Variants in VOPP1 observed in about 807,000 individuals in gnomAD.
VOPP1 encodes the protein VOPP1 WW domain binding protein.
VOPP1 carries 8 observed loss-of-function variants against 23.5 expected under a neutral mutation model. That is an observed-to-expected ratio of 0.34 (90% CI 0.20 to 0.61). VOPP1 has a LOEUF of 0.61. Among genes scored for constraint, VOPP1 ranks in the 20% least tolerant of loss-of-function variants. The probability of loss-of-function intolerance (pLI) is 0.78; values close to 1 mark genes in which losing one functional copy is unlikely to be tolerated. For missense variants in VOPP1, 174 were observed against 238.1 expected (o/e 0.73, Z 1.77); for synonymous variants, 83 against 97.3 (o/e 0.85, Z 0.86).
intron 1 of VOPP1, among the ~76,000 whole-genome samples, chr7:55,548,216 C>T (rs1797449428): frequency 6.6e-6 from 1 of 152,244 alleles, no homozygotes; most frequent in African/African-American, 2.4e-5. Context: ...AAATTTCACA[C>T]ATAATGTTTT....
intron 2 of VOPP1, among the ~76,000 whole-genome samples, chr7:55,500,353 G>A (rs1452589514): frequency 6.6e-6 from 1 of 152,258 alleles, no homozygotes; most frequent in Non-Finnish European, 1.5e-5. Context: ...AGAGGGCCAT[G>A]TAGCCAGGAC....
chr7:55,534,323 A>G (rs1249905592), intron 1 of VOPP1, among the ~76,000 whole-genome samples: 1 of 152,004 alleles, frequency 6.6e-6, no homozygotes, highest in Non-Finnish European at 1.5e-5. Context: ...TTTCTCATAT[A>G]ATTTCCTAAA....
At chr7:55,459,131 G>C (rs1016326650) in intron 4 of VOPP1, among the ~76,000 whole-genome samples, 1 of 152,068 alleles carries the variant, frequency 6.6e-6, no homozygotes, top group Non-Finnish European at 1.5e-5. Context: ...CATCTATTGA[G>C]ATAATCATAA....
intron 4 of VOPP1, among the ~76,000 whole-genome samples, chr7:55,488,998 A>G (rs815967): frequency 0.9 from 136,598 of 152,332 alleles, 61,416 homozygotes; most frequent in African/African-American, 0.92. Flanking sequence ...GGCCCATGCC[A>G]CAGATAGTCT....
At chr7:55,444,576 T>C (rs1791048852) in intron 4 of VOPP1, among the ~76,000 whole-genome samples, 1 of 152,152 alleles carries the variant, frequency 6.6e-6, no homozygotes, top group Non-Finnish European at 1.5e-5. Context: ...AGGGCCACTC[T>C]GGAAACTGGA....
chr7:55,554,761 T>TA (rs1797745915), intron 1 of VOPP1, among the ~76,000 whole-genome samples: 1 of 152,176 alleles, frequency 6.6e-6, no homozygotes, highest in Non-Finnish European at 1.5e-5. Flanking sequence ...ACTGGGTCGA[T>TA]AGGGGCTGGA....
chr7:55,497,702 G>A lies in VOPP1; in HGVS notation c.114-12C>T. 6.2e-7 allele frequency: 1 copy of A among 1,613,638 alleles called. No individual in the cohort carries two copies. Among genetic ancestry groups the A allele is most frequent in the East Asian group, 2.2e-5 (1 of 44,882 alleles). On this transcript the variant is annotated splice_polypyrimidine_tract_variant and intron_variant, in intron 2 of 4. Transcript: ENST00000285279. ...CGTAGGAGCGGCATCTGTGGAGAGA[G>A]GCACAGGCTGGTCAGCACTGAATTG... is the stretch of plus-strand genomic sequence containing the variant.
At chr7:55,438,084 G>T (rs1210156842) in intron 4 of VOPP1, among the ~76,000 whole-genome samples, 2 of 151,932 alleles carry the variant, frequency 1.3e-5, no homozygotes, top group African/African-American at 4.8e-5. Context: ...TGTATTTTTA[G>T]TAGAGACAGG....
chr7:55,557,695 A>G (rs952300860), intron 1 of VOPP1, among the ~76,000 whole-genome samples: 1 of 152,234 alleles, frequency 6.6e-6, no homozygotes, highest in African/African-American at 2.4e-5. Flanking sequence ...AACAAAACAC[A>G]TACATAAGAA....
intron 1 of VOPP1, among the ~76,000 whole-genome samples, chr7:55,522,767 G>A (rs1240040162): frequency 6.6e-6 from 1 of 152,204 alleles, no homozygotes; most frequent in Non-Finnish European, 1.5e-5. Context: ...CACGCAGCGA[G>A]AGCCAGGTGC....
intron 4 of VOPP1, among the ~76,000 whole-genome samples, chr7:55,448,006 AAATCATTAT>A (rs1439409917): frequency 6.6e-6 from 1 of 152,184 alleles, no homozygotes; most frequent in African/African-American, 2.4e-5. Flanking sequence ...CATTCACTCA[AAATCATTAT>A]AATCATTATA....
intron 1 of VOPP1, among the ~76,000 whole-genome samples, chr7:55,547,205 T>C (rs188307000): frequency 6.6e-6 from 1 of 152,312 alleles, no homozygotes; most frequent in African/African-American, 2.4e-5. Context: ...GATCCAACCC[T>C]GTCCCACCTC....
At chr7:55,556,390 C>A (rs1326376565) in intron 1 of VOPP1, among the ~76,000 whole-genome samples, 1 of 152,186 alleles carries the variant, frequency 6.6e-6, no homozygotes, top group African/African-American at 2.4e-5. Context: ...AGCCAAAATT[C>A]TCATCTTCCA....
At chr7:55,531,792 C>G (rs909450842) in intron 1 of VOPP1, among the ~76,000 whole-genome samples, 10 of 152,162 alleles carry the variant, frequency 6.6e-5, no homozygotes, top group Non-Finnish European at 1.0e-4. Flanking sequence ...AGAAGAGTAA[C>G]AGGCTTGTTG....
chr7:55,457,086 G>A (rs1206983875), intron 4 of VOPP1, among the ~76,000 whole-genome samples: 5 of 151,880 alleles, frequency 3.3e-5, no homozygotes, highest in South Asian at 2.1e-4. Context: ...ACACCGTGTC[G>A]CCCCAACCCC....
intron 4 of VOPP1, among the ~76,000 whole-genome samples, chr7:55,448,033 T>C (rs948025106): frequency 2.6e-5 from 4 of 152,330 alleles, no homozygotes; most frequent in Admixed American, 2.0e-4. Flanking sequence ...ATAATGATTT[T>C]CCACATATAA....
chr7:55,506,534 GC>G (rs1181515611), intron 2 of VOPP1, among the ~76,000 whole-genome samples: 1 of 150,264 alleles, frequency 6.7e-6, no homozygotes, highest in Non-Finnish European at 1.5e-5. Flanking sequence ...ACGGGGTTTC[GC>G]CATGTTGGCC....
chr7:55,547,713 T>C (rs1274924964), intron 1 of VOPP1, among the ~76,000 whole-genome samples: 1 of 152,184 alleles, frequency 6.6e-6, no homozygotes, highest in Non-Finnish European at 1.5e-5. Context: ...AATCTAGATA[T>C]TCAATTTTTC....
At chr7:55,525,787 T>C (rs1303656820) in intron 1 of VOPP1, among the ~76,000 whole-genome samples, 3 of 45,766 alleles carry the variant, frequency 6.6e-5, no homozygotes, top group Non-Finnish European at 3.8e-5. Context: ...AAAAAACCTC[T>C]CTAAAAAAAA....
Sources: allele counts gnomAD v4.1 joint callset (sites outside exome capture counted in the v4.1 genomes callset), GRCh38; gene constraint gnomAD v4.1.1; transcripts MANE v1.5; gene names NCBI Gene and HGNC (gene_info 2026-07-23, HGNC 2026-07-21).